Variants in CCDC171 observed in about 807,000 individuals in gnomAD.
The protein encoded by CCDC171 is coiled-coil domain-containing protein 171.
Under a neutral mutation model 168.2 loss-of-function variants are expected in CCDC171, and 177 were observed. The observed-to-expected ratio is 1.05, with a 90% CI of 0.93 to 1.19. CCDC171 has a LOEUF of 1.19. Among genes scored for constraint, CCDC171 ranks in the 50% most tolerant of loss-of-function variants. The probability of loss-of-function intolerance (pLI) is 0.00; values close to 1 mark genes in which losing one functional copy is unlikely to be tolerated. For missense variants in CCDC171, 1,991 were observed against 1,539.0 expected (o/e 1.29, Z -4.91); for synonymous variants, 687 against 540.8 (o/e 1.27, Z -3.75).
At chr9:15,928,004 G>A (rs1015673981) in intron 25 of CCDC171, among the ~76,000 whole-genome samples, 2 of 151,568 alleles carry the variant, frequency 1.3e-5, no homozygotes, top group East Asian at 3.9e-4. Context: ...GTTGAGAGAG[G>A]CTATACAGTG....
intron 6 of CCDC171, among the ~76,000 whole-genome samples, chr9:15,599,580 C>T (rs955425553): frequency 6.6e-6 from 1 of 152,180 alleles, no homozygotes; most frequent in Non-Finnish European, 1.5e-5. Flanking sequence ...CTGCCCTTAA[C>T]ATTTTTTCCT....
At chr9:15,927,250 C>T (rs887349736) in intron 25 of CCDC171, among the ~76,000 whole-genome samples, 5 of 151,556 alleles carry the variant, frequency 3.3e-5, no homozygotes, top group Non-Finnish European at 7.4e-5. Flanking sequence ...TGGTCTTTGG[C>T]CCATTAACTT....
At chr9:15,740,046 G>GT (rs997148104) in intron 16 of CCDC171, among the ~76,000 whole-genome samples, 10 of 151,724 alleles carry the variant, frequency 6.6e-5, no homozygotes, top group African/African-American at 1.7e-4. Flanking sequence ...CCTCCAATGT[G>GT]TTTTTTTTAA....
At chr9:15,557,461 T>C (rs201461493) in intron 1 of CCDC171, among the ~76,000 whole-genome samples, 2 of 152,102 alleles carry the variant, frequency 1.3e-5, no homozygotes, top group African/African-American at 4.8e-5. Context: ...CTTCACTTCC[T>C]TTGTAAGTTG....
intron 20 of CCDC171, 63 bp from the exon 21 acceptor site, chr9:15,784,446 G>C: frequency 1.9e-6 from 2 of 1,061,024 alleles, no homozygotes; most frequent in Non-Finnish European, 2.7e-6. Context: ...AGTTTTGAAG[G>C]TGAAATGATA....
chr9:15,647,545 T>G (rs1352570288), intron 7 of CCDC171, among the ~76,000 whole-genome samples: 5 of 151,358 alleles, frequency 3.3e-5, no homozygotes, highest in Non-Finnish European at 7.4e-5. Flanking sequence ...ATAGACACAA[T>G]AAAAAATGAT....
chr9:15,868,705 A>C (rs2061896544), intron 23 of CCDC171, among the ~76,000 whole-genome samples: 1 of 152,064 alleles, frequency 6.6e-6, no homozygotes, highest in African/African-American at 2.4e-5. Context: ...AATTTCTTCA[A>C]CTGTTAATTG....
At chr9:16,092,880 G>T in the CCDC171 span, among the ~76,000 whole-genome samples, 13 of 152,334 alleles carry the variant, frequency 8.5e-5, no homozygotes, top group Admixed American at 1.3e-4. Context: ...GGCCAGCTGG[G>T]TAGCAGAGCC....
At chr9:15,555,228 C>G (rs2038691357) in intron 1 of CCDC171, among the ~76,000 whole-genome samples, 1 of 152,130 alleles carries the variant, frequency 6.6e-6, no homozygotes, top group African/African-American at 2.4e-5. Context: ...AATATCCCAT[C>G]ATCTATTTTA....
intron 21 of CCDC171, among the ~76,000 whole-genome samples, chr9:15,821,437 C>T (rs2136100526): frequency 8.6e-6 from 1 of 116,916 alleles, no homozygotes; most frequent in African/African-American, 3.2e-5. Context: ...TCTAGAAAAC[C>T]CCATCGTCTC....
At position 15,628,590 on chromosome 9, in the gene CCDC171, T is replaced by C. The variant is rs370394078; in HGVS notation, c.822+5177T>C. 2.1e-4 allele frequency among the ~76,000 whole-genome samples: 32 copies of C among 152,358 alleles called. No homozygotes were observed. The East Asian group carries it at 4.4e-3, about 21-fold the overall frequency. The stretch of plus-strand genomic sequence containing the variant: ...CCTGCCTGCCTCTGTAGGCTCCACC[T>C]ATGGGGGCAGGGCACAGACAAACAA... On this transcript the variant is annotated intron_variant, in intron 7 of 25. Transcript: ENST00000380701.
intron 9 of CCDC171, among the ~76,000 whole-genome samples, chr9:15,668,807 G>C (rs1564175381): frequency 6.6e-6 from 1 of 151,970 alleles, no homozygotes; most frequent in East Asian, 1.9e-4. Flanking sequence ...CTTTTTTAAA[G>C]ATGATTCTGA....
At chr9:16,007,824 G>A (rs1832751724) in intron 3 of CCDC171, among the ~76,000 whole-genome samples, 2 of 152,096 alleles carry the variant, frequency 1.3e-5, no homozygotes, top group South Asian at 4.1e-4. Context: ...ATGCTGTTTT[G>A]GTTACTGTAG....
chr9:15,898,939 C>G (rs1398117512), intron 24 of CCDC171, among the ~76,000 whole-genome samples: 1 of 152,180 alleles, frequency 6.6e-6, no homozygotes, highest in Non-Finnish European at 1.5e-5. Flanking sequence ...AAAATTCTCT[C>G]TCAAGTAACC....
At chr9:15,730,807 C>G (rs1288063006) in intron 16 of CCDC171, among the ~76,000 whole-genome samples, 1 of 151,906 alleles carries the variant, frequency 6.6e-6, no homozygotes, top group African/African-American at 2.4e-5. Context: ...ATGCAGATTA[C>G]TATATTATAT....
intron 3 of CCDC171, among the ~76,000 whole-genome samples, chr9:16,012,982 G>T (rs1348199272): frequency 6.6e-6 from 1 of 152,054 alleles, no homozygotes; most frequent in African/African-American, 2.4e-5. Context: ...ATGGTACTTC[G>T]ACTTCTCAAG....
chr9:15,954,439 G>A (rs371768344), intron 25 of CCDC171, among the ~76,000 whole-genome samples: 1 of 151,856 alleles, frequency 6.6e-6, no homozygotes, highest in East Asian at 1.9e-4. Context: ...TGGACCATTG[G>A]TTATTTAAGA....
chr9:15,580,572 C>T (rs1376659315), intron 4 of CCDC171, among the ~76,000 whole-genome samples: 1 of 151,860 alleles, frequency 6.6e-6, no homozygotes, highest in African/African-American at 2.4e-5. Flanking sequence ...GGGCAAAGGA[C>T]ATATATAGAC....
chr9:15,610,306 G>T (rs1194193002), intron 6 of CCDC171, among the ~76,000 whole-genome samples: 2 of 150,782 alleles, frequency 1.3e-5, no homozygotes, highest in Non-Finnish European at 3.0e-5. Flanking sequence ...GCTCACTGCA[G>T]CTTAAACCTC....
Sources: gnomAD v4.1 joint callset for allele counts (sites outside exome capture counted in the v4.1 genomes callset) on GRCh38, gnomAD v4.1.1 for gene constraint, MANE v1.5 for transcripts, NCBI Gene and HGNC (gene_info 2026-07-23, HGNC 2026-07-21) for gene names.